KALRN: variants seen among roughly 807,000 people sequenced by gnomAD.
The protein encoded by KALRN is kalirin RhoGEF kinase.
KALRN carries 70 observed loss-of-function variants against 353.7 expected under a neutral mutation model. The ratio of observed to expected loss-of-function variants is 0.20; its 90% CI spans 0.16 to 0.24. KALRN has a LOEUF of 0.24. Ranked by LOEUF, KALRN falls within the 10% of genes least tolerant of loss-of-function variation. KALRN has a pLI of 1.00. For missense variants in KALRN, 2,791 were observed against 3,756.7 expected, an observed-to-expected ratio of 0.74 and a Z score of 6.72; for synonymous variants, 1,391 against 1,434.8, an observed-to-expected ratio of 0.97 and a Z score of 0.69.
intron 34 of KALRN, among the ~76,000 whole-genome samples, chr3:124,615,226 C>T (rs1282755708): frequency 6.6e-6 from 1 of 152,034 alleles, no homozygotes; most frequent in Non-Finnish European, 1.5e-5. Context: ...ATATTCCTAC[C>T]AAAAACACAC....
At chr3:124,462,055 C>A in intron 24 of KALRN, 99 bp downstream of exon 24, 1 of 834,526 alleles carries the variant, frequency 1.2e-6, no homozygotes, top group East Asian at 2.4e-5. Flanking sequence ...GGTCTTCTCC[C>A]AGAGAGTAAT....
At chr3:124,451,894 C>T (rs1231423407) in intron 21 of KALRN, among the ~76,000 whole-genome samples, 1 of 152,208 alleles carries the variant, frequency 6.6e-6, no homozygotes, top group Non-Finnish European at 1.5e-5. Flanking sequence ...TTCCTCTCTG[C>T]TTTCTGTGAT....
chr3:124,349,930 G>A (rs1017170786), intron 10 of KALRN, among the ~76,000 whole-genome samples: 1 of 152,206 alleles, frequency 6.6e-6, no homozygotes, highest in African/African-American at 2.4e-5. Context: ...GCTGAGAGTG[G>A]AGGTTGTAGT....
At chr3:124,475,808 C>G (rs1383200984) in intron 26 of KALRN, among the ~76,000 whole-genome samples, 2 of 152,126 alleles carry the variant, frequency 1.3e-5, no homozygotes, top group African/African-American at 4.8e-5. Flanking sequence ...TGCTTCCAAG[C>G]ACTCTTGTTT....
At chr3:124,499,907 T>C (rs1217783780) in intron 33 of KALRN, among the ~76,000 whole-genome samples, 1 of 152,192 alleles carries the variant, frequency 6.6e-6, no homozygotes, top group Non-Finnish European at 1.5e-5. Context: ...TATTTATATA[T>C]TTTTCACATC....
In KALRN at chr3:124,093,874, G is replaced by A. The variant is rs151028200; in HGVS notation, c.73+60061G>A. On this transcript the variant is annotated intron_variant, in intron 1 of 59. Coordinates refer to ENST00000682506, the MANE Select transcript of KALRN (RefSeq NM_001388419.1). ...AGGCGGATTTGGCCATGATGAGGTG[G>A]AGAGTGGGGAGAGCATCCTATTGGC... 5.5e-3 allele frequency among the ~76,000 whole-genome samples: 839 copies of A among 152,266 alleles called. 10 individuals are homozygous for A. The highest frequency in any genetic ancestry group is 0.02 in the African/African-American group (812 of 41,544).
intron 3 of KALRN, among the ~76,000 whole-genome samples, chr3:124,245,050 A>T (rs917734959): frequency 6.6e-6 from 1 of 152,092 alleles, no homozygotes; most frequent in African/African-American, 2.4e-5. Context: ...ATTATTGTTA[A>T]CTAGAGTCAC....
chr3:124,373,818 T>C (rs1398775346), intron 10 of KALRN, among the ~76,000 whole-genome samples: 1 of 152,218 alleles, frequency 6.6e-6, no homozygotes, highest in Non-Finnish European at 1.5e-5. Flanking sequence ...TAAGGTCACA[T>C]TCTAAGGTAC....
chr3:124,455,729 A>G (rs935668130), intron 22 of KALRN, among the ~76,000 whole-genome samples: 4 of 152,212 alleles, frequency 2.6e-5, no homozygotes, highest in Admixed American at 2.0e-4. Flanking sequence ...AAATGATTAG[A>G]GTCCCCAGTA....
Position 124,303,818 on chromosome 3 carries a change from T to G in KALRN, c.1092+4905T>G, listed in dbSNP as rs983763047. Among the ~76,000 whole-genome samples, 7 of 152,302 alleles carry G rather than the reference T, an allele frequency of 4.6e-5. No homozygotes were observed. In the South Asian group the frequency reaches 1.0e-3, roughly 23 times the overall value. On this transcript the variant is annotated intron_variant, in intron 6 of 59. Coordinates refer to ENST00000682506, the MANE Select transcript of KALRN (RefSeq NM_001388419.1). ...TAATTTGCTCGCCAAAGGCACATATTGCCACTTGATGGTGTGCAAATCAGA... is the reference window on the plus strand; with the variant it reads ...TAATTTGCTCGCCAAAGGCACATATGGCCACTTGATGGTGTGCAAATCAGA...
intron 2 of KALRN, among the ~76,000 whole-genome samples, chr3:124,231,610 G>A: frequency 6.6e-6 from 1 of 152,146 alleles, no homozygotes; most frequent in East Asian, 1.9e-4. Flanking sequence ...AGAAGTTTGG[G>A]AAATGCTGGA....
intron 42 of KALRN, among the ~76,000 whole-genome samples, chr3:124,659,105 G>A (rs1385915210): frequency 1.3e-5 from 2 of 152,162 alleles, no homozygotes; most frequent in Non-Finnish European, 2.9e-5. Context: ...TTTTCTCCCA[G>A]GACTGGGATG....
At chr3:124,672,726 A>G (rs2086617967) in intron 48 of KALRN, among the ~76,000 whole-genome samples, 1 of 152,226 alleles carries the variant, frequency 6.6e-6, no homozygotes. Context: ...ACAGGAGAGA[A>G]ATGGGAAAAG....
At chr3:124,152,161 G>C in intron 1 of KALRN, 1 of 1,462,422 alleles carries the variant, frequency 6.8e-7, no homozygotes, top group Admixed American at 1.7e-5. Flanking sequence ...TGATGCAAGA[G>C]ATCGAACAAT....
At chr3:124,471,957 A>G (rs1270851026) in intron 25 of KALRN, among the ~76,000 whole-genome samples, 1 of 115,570 alleles carries the variant, frequency 8.7e-6, no homozygotes, top group South Asian at 3.2e-4. Context: ...ACAGAGTGAG[A>G]CTCCGTCTCA....
intron 33 of KALRN, among the ~76,000 whole-genome samples, chr3:124,517,639 A>G (rs1422878289): frequency 3.3e-5 from 5 of 152,048 alleles, no homozygotes; most frequent in Non-Finnish European, 7.4e-5. Context: ...GCCATGCTGG[A>G]TATGGAAGCT....
chr3:124,591,283 C>T (rs2149359462), intron 34 of KALRN, among the ~76,000 whole-genome samples: 1 of 152,254 alleles, frequency 6.6e-6, no homozygotes, highest in African/African-American at 2.4e-5. Flanking sequence ...TCCCTTTTCC[C>T]CGCCCTTTTT....
chr3:124,277,996 ATGTG>A (rs3054178), intron 5 of KALRN, among the ~76,000 whole-genome samples: 25 of 146,102 alleles, frequency 1.7e-4, no homozygotes, highest in Non-Finnish European at 2.0e-4. Context: ...GAGATGAACT[ATGTG>A]TGTGTGTGTG....
intron 1 of KALRN, among the ~76,000 whole-genome samples, chr3:124,226,207 G>GA (rs1204189076): frequency 3.3e-5 from 5 of 151,678 alleles, no homozygotes; most frequent in Admixed American, 1.3e-4. Context: ...GCATGAGGAT[G>GA]AAAAAAAATA....
Sources: allele counts gnomAD v4.1 joint callset (sites outside exome capture counted in the v4.1 genomes callset), GRCh38; gene constraint gnomAD v4.1.1; transcripts MANE v1.5; gene names NCBI Gene and HGNC (gene_info 2026-07-23, HGNC 2026-07-21).